The following DMD variants were observed in gnomAD, a reference collection of about 807,000 sequenced individuals.
DMD encodes mutant dystrophin.
Under a neutral mutation model 330.1 loss-of-function variants are expected in DMD, and 63 were observed. The ratio of observed to expected loss-of-function variants is 0.19; its 90% CI spans 0.16 to 0.24. The LOEUF (loss-of-function observed/expected upper bound fraction) is 0.24. DMD is among the 10% of genes least tolerant of loss of function. DMD has a pLI of 1.00. For synonymous variants in DMD, 1,223 were observed against 959.8 expected (o/e 1.27, Z -5.07); for missense variants, 3,344 against 2,684.1 (o/e 1.25, Z -5.43).
chrX:32,684,032 C>T (rs890492229), intron 9 of DMD, among the ~76,000 whole-genome samples: 2 of 97,000 alleles, frequency 2.1e-5, no homozygotes, highest in Admixed American at 2.1e-4. Context: ...CACACACACA[C>T]ACACACACAC....
intron 44 of DMD, among the ~76,000 whole-genome samples, chrX:32,187,770 A>G (rs1446255728): frequency 9.2e-6 from 1 of 108,348 alleles, no homozygotes; most frequent in Non-Finnish European, 1.9e-5. Flanking sequence ...AACCAGAATT[A>G]TTTTTTTTTT....
intron 59 of DMD, among the ~76,000 whole-genome samples, chrX:31,476,541 A>T (rs1433351736): frequency 9.3e-6 from 1 of 107,456 alleles, no homozygotes; most frequent in East Asian, 2.9e-4. Flanking sequence ...AGTGTATTAA[A>T]TGGTCTGGAG....
intron 2 of DMD, among the ~76,000 whole-genome samples, chrX:33,010,326 A>G (rs1396848418): frequency 9.5e-6 from 1 of 105,654 alleles, no homozygotes; most frequent in Non-Finnish European, 1.9e-5. Context: ...GTGTATAAAT[A>G]TGTATATATG....
At chrX:32,389,818 C>A in intron 31 of DMD, 144 bp from the exon 32 acceptor site, 2 of 619,979 alleles carry the variant, frequency 3.2e-6, no homozygotes, top group Non-Finnish European at 5.0e-6. Context: ...TCCATTCATC[C>A]AACACAGGAA....
At chrX:31,825,951 A>T (rs1185593256) in intron 49 of DMD, among the ~76,000 whole-genome samples, 2 of 111,763 alleles carry the variant, frequency 1.8e-5, no homozygotes, top group Non-Finnish European at 3.8e-5. Context: ...AATGCTGTGA[A>T]CTACAAAGCA....
chrX:31,347,850 GTTCCC>G (rs200308057), intron 61 of DMD, among the ~76,000 whole-genome samples: 1,192 of 112,491 alleles, frequency 0.011, 14 homozygotes, highest in African/African-American at 0.036. Flanking sequence ...CTGTAAAAGA[GTTCCC>G]TTTCTTCACA....
intron 44 of DMD, among the ~76,000 whole-genome samples, chrX:32,020,187 T>G (rs1458921971): frequency 2.7e-5 from 3 of 112,469 alleles, no homozygotes; most frequent in African/African-American, 9.7e-5. Flanking sequence ...CAACTTGCTT[T>G]CTTTTAAACC....
At chrX:32,966,663 G>T (rs1278939820) in intron 2 of DMD, among the ~76,000 whole-genome samples, 4 of 111,440 alleles carry the variant, frequency 3.6e-5, no homozygotes, top group Non-Finnish European at 7.5e-5. Flanking sequence ...CCAAACAGTG[G>T]CATTGAAGAG....
chrX:31,773,854 GTTGCCT>G (rs778796541), intron 51 of DMD, 100 bp downstream of exon 51: 1 of 644,786 alleles, frequency 1.6e-6, no homozygotes, highest in African/African-American at 2.3e-5. Context: ...GAGAGAAACA[GTTGCCT>G]AAGAACTGGT....
chrX:31,783,375 G>A (rs1391704269), intron 50 of DMD, among the ~76,000 whole-genome samples: 3 of 111,439 alleles, frequency 2.7e-5, no homozygotes, highest in Admixed American at 1.9e-4. Flanking sequence ...TTGTTTGGGA[G>A]AGCTACGTTT....
At chrX:32,121,665 G>C (rs866473002) in intron 44 of DMD, among the ~76,000 whole-genome samples, 1 of 43,603 alleles carries the variant, frequency 2.3e-5, no homozygotes. Flanking sequence ...ATATATATAT[G>C]TATTCGGTTT....
At chrX:31,901,163 G>C (rs1334528266) in intron 47 of DMD, among the ~76,000 whole-genome samples, 1 of 111,349 alleles carries the variant, frequency 9.0e-6, no homozygotes, top group Non-Finnish European at 1.9e-5. Context: ...GTCTTTAATG[G>C]GACAGAGTTG....
At position 33,007,338 on chromosome X, in the gene DMD, A is replaced by G. The variant is rs1024276580; in HGVS notation, c.93+12801T>C. Among the ~76,000 whole-genome samples the G allele has an allele frequency of 7.2e-5, 8 of 110,832 alleles. No individual in the cohort carries two copies. In the Admixed American group the frequency reaches 7.8e-4, roughly 11 times the overall value. ...AACACGCACTCCCTCCTCAGAGTGT[A>G]CATATTCTTCCCTCTGCCTAGAACT... On this transcript the variant is annotated intron_variant, in intron 2 of 78. Transcript: ENST00000357033.
chrX:32,586,261 C>A (rs1302659080), intron 13 of DMD, among the ~76,000 whole-genome samples: 1 of 109,757 alleles, frequency 9.1e-6, no homozygotes, highest in South Asian at 3.8e-4. Context: ...TGAACAGTGT[C>A]GTTCTAGAAA....
intron 9 of DMD, among the ~76,000 whole-genome samples, chrX:32,696,433 G>A (rs1042099258): frequency 2.7e-5 from 3 of 111,713 alleles, no homozygotes; most frequent in African/African-American, 9.8e-5. Flanking sequence ...TATTTGAATG[G>A]CTTATTTTAA....
intron 2 of DMD, among the ~76,000 whole-genome samples, chrX:32,871,645 G>T (rs1324722686): frequency 9.0e-6 from 1 of 111,431 alleles, no homozygotes; most frequent in Non-Finnish European, 1.9e-5. Flanking sequence ...GTAAGATACA[G>T]TTTGACTCAT....
intron 7 of DMD, among the ~76,000 whole-genome samples, chrX:32,806,652 C>G (rs971986084): frequency 2.7e-5 from 3 of 111,771 alleles, no homozygotes; most frequent in Non-Finnish European, 3.8e-5. Context: ...TTCTTCTCAG[C>G]ACCACATCAT....
intron 76 of DMD, among the ~76,000 whole-genome samples, chrX:31,138,240 T>C (rs779798279): frequency 1.8e-5 from 2 of 111,565 alleles, no homozygotes; most frequent in African/African-American, 6.5e-5. Context: ...AAACCACAAC[T>C]TGGTGTCAAG....
At chrX:32,653,949 CTCTG>C (rs904977505) in intron 9 of DMD, among the ~76,000 whole-genome samples, 1 of 110,387 alleles carries the variant, frequency 9.1e-6, no homozygotes, top group African/African-American at 3.3e-5. Context: ...CATGATTTGC[CTCTG>C]TCTGTTATTG....
Sources: gnomAD v4.1 joint callset for allele counts (sites outside exome capture counted in the v4.1 genomes callset) on GRCh38, gnomAD v4.1.1 for gene constraint, MANE v1.5 for transcripts, NCBI Gene and HGNC (gene_info 2026-07-23, HGNC 2026-07-21) for gene names.